Variants in SNTA1 observed in about 807,000 individuals in gnomAD.
SNTA1 encodes the protein syntrophin alpha 1.
SNTA1 carries 31 observed loss-of-function variants against 47.1 expected under a neutral mutation model. The observed-to-expected ratio is 0.66, with a 90% CI of 0.49 to 0.89. The LOEUF is 0.89. Ranked by LOEUF, SNTA1 falls within the 40% of genes least tolerant of loss-of-function variation. The pLI, the probability that SNTA1 is intolerant of heterozygous loss-of-function variation, is 0.00. For missense variants in SNTA1, 575 were observed against 693.0 expected, an observed-to-expected ratio of 0.83 and a Z score of 1.91; for synonymous variants, 300 against 313.6, an observed-to-expected ratio of 0.96 and a Z score of 0.46.
chr20:33,411,169 C>G (rs948746563), intron 5 of SNTA1, among the ~76,000 whole-genome samples: 2 of 152,228 alleles, frequency 1.3e-5, no homozygotes, highest in East Asian at 3.9e-4. Flanking sequence ...TCAGTTCCCC[C>G]CGCCACAGAC....
rs376171834 is a variant in SNTA1, at chr20:33,429,972, G to C, written c.496+8869C>G. ...TGGAGAGACAGGGTTTCGCTATGTT[G>C]CTCAGGCTAAGCTGGATATTTTTGA... On this transcript the variant is annotated intron_variant, in intron 2 of 7. Coordinates refer to ENST00000217381, the MANE Select transcript of SNTA1 (RefSeq NM_003098.3). 7.2e-4 allele frequency among the ~76,000 whole-genome samples: 109 copies of C among 152,122 alleles called. 3 individuals carry two copies. The South Asian group carries it at 0.021, about 30-fold the overall frequency.
chr20:33,416,454 A>T (rs1324366461), intron 3 of SNTA1, among the ~76,000 whole-genome samples: 1 of 152,150 alleles, frequency 6.6e-6, no homozygotes, highest in Non-Finnish European at 1.5e-5. Context: ...GGCAAGTGCC[A>T]CCCTTTCTGG....
intron 2 of SNTA1, 85 bp downstream of exon 2, chr20:33,438,756 G>A: frequency 2.6e-6 from 3 of 1,142,390 alleles, no homozygotes; most frequent in Non-Finnish European, 2.7e-6. Flanking sequence ...GTGCTGGGAT[G>A]GGGCCTTCTG....
Position 33,412,315 on chromosome 20 carries a change from C to T in SNTA1, c.1021G>A (p.Ala341Thr), listed in dbSNP as rs754242619. 3.7e-6 allele frequency: 6 copies of T among 1,611,724 alleles called. No individual in the cohort carries two copies. In the African/African-American group the frequency reaches 8.0e-5, roughly 22 times the overall value. ...REALSRPART[A>T]PLIATRLVHS... ...GGGTACCTGGTGGCGATGAGTGGGGCAGTACGGGCTGGCCGGCTCAGGGCC... is the reference window on the plus strand; with the variant it reads ...GGGTACCTGGTGGCGATGAGTGGGGTAGTACGGGCTGGCCGGCTCAGGGCC... The change falls in exon 5 of 8, where the codon GCC (alanine) becomes ACC (threonine). Residue 341 changes from alanine to threonine, a missense_variant. By Grantham distance (58) the Ala-to-Thr change is moderately conservative. Coordinates refer to ENST00000217381, the MANE Select transcript of SNTA1 (RefSeq NM_003098.3).
intron 5 of SNTA1, among the ~76,000 whole-genome samples, chr20:33,411,053 T>C (rs1232316583): frequency 2.6e-5 from 4 of 152,140 alleles, no homozygotes; most frequent in East Asian, 3.9e-4. Context: ...AGCTTGACTC[T>C]CACTTGCTGT....
chr20:33,435,684 TA>T (rs948847210), intron 2 of SNTA1, among the ~76,000 whole-genome samples: 4 of 152,174 alleles, frequency 2.6e-5, no homozygotes, highest in Non-Finnish European at 4.4e-5. Context: ...GCCCTGGGTG[TA>T]GTTTAGCTTC....
intron 2 of SNTA1, among the ~76,000 whole-genome samples, chr20:33,436,956 T>C (rs1600862350): frequency 1.1e-5 from 1 of 91,634 alleles, no homozygotes; most frequent in Non-Finnish European, 2.0e-5. Context: ...AGAGTAAGAC[T>C]CCATCTCAAA....
At chr20:33,414,143 C>T (rs1425404385) in intron 3 of SNTA1, among the ~76,000 whole-genome samples, 2 of 145,274 alleles carry the variant, frequency 1.4e-5, no homozygotes, top group African/African-American at 5.1e-5. Flanking sequence ...GAGGCTGAGG[C>T]AGGAGAATCG....
Position 33,408,779 on chromosome 20 carries a change from G to C in SNTA1, c.1347C>G (p.Pro449=). The C allele has an allele frequency of 6.2e-7, 1 of 1,614,174 alleles. No homozygotes were observed. The highest frequency in any genetic ancestry group is 8.5e-7 in the Non-Finnish European group (1 of 1,180,030). ...CTGAAGACATCTGCAGCTTCTCGAA[G>C]GGCTGTCGCAGGAGCACAGCTCGGG... ...GAARAVLLRQ[P]FEKLQMSSDD... The change falls in exon 7 of 8, where the codon CCC becomes CCG. Residue 449 remains proline, a synonymous_variant. Coordinates refer to ENST00000217381, the MANE Select transcript of SNTA1 (RefSeq NM_003098.3).
chr20:33,408,626 A>AG (rs1328261360), intron 7 of SNTA1, 27 bp from the exon 8 acceptor site: 1 of 1,611,862 alleles, frequency 6.2e-7, no homozygotes, highest in Non-Finnish European at 8.5e-7. Flanking sequence ...GAGAAGAGTC[A>AG]GGGCCCTGGC....
chr20:33,421,135 T>G (rs1057274612), intron 2 of SNTA1, among the ~76,000 whole-genome samples: 4 of 111,638 alleles, frequency 3.6e-5, no homozygotes, highest in African/African-American at 1.2e-4. Context: ...ATTACGCCAT[T>G]GCACTCCAGT....
Position 33,427,514 on chromosome 20 carries a change from A to G in SNTA1, c.497-9591T>C, listed in dbSNP as rs569153814. The stretch of plus-strand genomic sequence containing the variant: ...TAGTCCCCAGACTCTGGCAGGCCCT[A>G]TAACAGGGATGACCAGCAGAGCCCA... On this transcript the variant is annotated intron_variant, in intron 2 of 7. Coordinates refer to ENST00000217381, the MANE Select transcript of SNTA1 (RefSeq NM_003098.3). Among the ~76,000 whole-genome samples the G allele has an allele frequency of 2.8e-4, 43 of 152,280 alleles. No homozygotes were observed. The South Asian group carries it at 3.5e-3, about 12-fold the overall frequency.
rs921708182 is a variant in SNTA1, at chr20:33,443,662, C to T, written c.-42G>A. The T allele has an allele frequency of 5.2e-6, 6 of 1,149,602 alleles. No individual in the cohort carries two copies. In the East Asian group the frequency reaches 2.2e-4, roughly 43 times the overall value. The allele number at this position is 1,149,602 out of a possible 1,614,324, so 71.2% of individuals were successfully genotyped here. On this transcript the variant is annotated 5_prime_UTR_variant, in exon 1 of 8. Coordinates refer to ENST00000217381, the MANE Select transcript of SNTA1 (RefSeq NM_003098.3). The stretch of plus-strand genomic sequence containing the variant: ...CCGGGCCGCCGCGCTCGCCCTGTCC[C>T]GCTTTGCCCAGCCCGCTCCGACCAA...
chr20:33,421,349 C>T (rs551642993), intron 2 of SNTA1, among the ~76,000 whole-genome samples: 65 of 152,232 alleles, frequency 4.3e-4, no homozygotes, highest in African/African-American at 1.3e-3. Flanking sequence ...CAGTGGCTCA[C>T]GCCTGTAATC....
intron 1 of SNTA1, among the ~76,000 whole-genome samples, chr20:33,440,761 T>C (rs1157222380): frequency 1.3e-5 from 2 of 152,198 alleles, no homozygotes; most frequent in East Asian, 3.9e-4. Context: ...GAGATTGCAG[T>C]GAGCCGAGAT....
intron 3 of SNTA1, 80 bp downstream of exon 3, chr20:33,417,639 A>G (rs1600844358): frequency 1.0e-6 from 1 of 998,598 alleles, no homozygotes; most frequent in East Asian, 2.4e-5. Flanking sequence ...TTCGTACAAC[A>G]CAGAGGTGTC....
chr20:33,439,227 G>C (rs1383484408), intron 1 of SNTA1, among the ~76,000 whole-genome samples: 2 of 152,202 alleles, frequency 1.3e-5, no homozygotes, highest in Admixed American at 6.6e-5. Context: ...TTTTTGATTA[G>C]GTCCGGTGGC....
intron 6 of SNTA1, 52 bp from the exon 7 acceptor site, chr20:33,408,940 CCCCAACCTCCAA>C: frequency 6.6e-7 from 1 of 1,511,062 alleles, no homozygotes. Context: ...AGAGACTACA[CCCCAACCTCCAA>C]CCCCCACCGC....
At chr20:33,421,558 G>A (rs1990021746) in intron 2 of SNTA1, among the ~76,000 whole-genome samples, 2 of 152,092 alleles carry the variant, frequency 1.3e-5, no homozygotes, top group Non-Finnish European at 2.9e-5. Context: ...GCTGCAGTGA[G>A]CCAAGATTGT....
Sources: allele counts gnomAD v4.1 joint callset (sites outside exome capture counted in the v4.1 genomes callset), GRCh38; gene constraint gnomAD v4.1.1; transcripts MANE v1.5; gene names NCBI Gene and HGNC (gene_info 2026-07-23, HGNC 2026-07-21).